The following UVRAG variants were observed in gnomAD, a reference collection of about 807,000 sequenced individuals.
The protein encoded by UVRAG is UV radiation resistance-associated gene protein.
A neutral mutation model predicts 78.0 loss-of-function variants in UVRAG; 19 were observed. That is an observed-to-expected ratio of 0.24 (90% CI 0.17 to 0.36). The LOEUF (loss-of-function observed/expected upper bound fraction) is 0.36, where lower values mean the gene tolerates loss of function less well. Ranked by LOEUF, UVRAG falls within the 10% of genes least tolerant of loss-of-function variation. The probability of loss-of-function intolerance (pLI) is 1.00; values close to 1 mark genes in which losing one functional copy is unlikely to be tolerated. For synonymous variants in UVRAG, 323 were observed against 324.6 expected (o/e 1.00, Z 0.05); for missense variants, 740 against 853.8 (o/e 0.87, Z 1.66).
intron 7 of UVRAG, among the ~76,000 whole-genome samples, chr11:75,974,333 TGGC>T (rs1949186947): frequency 6.7e-6 from 1 of 150,372 alleles, no homozygotes. Context: ...ATGTGTCTGT[TGGC>T]TGCATAAATG....
At chr11:75,851,623 A>C (rs1946154219) in intron 1 of UVRAG, among the ~76,000 whole-genome samples, 1 of 152,238 alleles carries the variant, frequency 6.6e-6, no homozygotes, top group South Asian at 2.1e-4. Flanking sequence ...GCACTTACAT[A>C]ACGTTGGTCC....
At chr11:75,931,132 CT>C in intron 6 of UVRAG, among the ~76,000 whole-genome samples, 1 of 151,344 alleles carries the variant, frequency 6.6e-6, no homozygotes, top group East Asian at 1.9e-4. Flanking sequence ...TTTCTCTCTT[CT>C]TTTCCTTTTT....
chr11:76,134,627 T>A (rs1952570039), intron 14 of UVRAG, among the ~76,000 whole-genome samples: 1 of 152,160 alleles, frequency 6.6e-6, no homozygotes, highest in African/African-American at 2.4e-5. Flanking sequence ...CATGAATATG[T>A]CTGAGTCTCA....
intron 9 of UVRAG, among the ~76,000 whole-genome samples, chr11:76,005,027 A>C (rs538496395): frequency 1.3e-3 from 193 of 152,202 alleles, no homozygotes; most frequent in Non-Finnish European, 2.0e-3. Context: ...TTCTTCAAAA[A>C]ACTTTAGCAG....
chr11:76,084,656 G>T (rs1033521796), intron 13 of UVRAG, among the ~76,000 whole-genome samples: 3 of 151,908 alleles, frequency 2.0e-5, no homozygotes, highest in Non-Finnish European at 4.4e-5. Context: ...GGACGTTTTG[G>T]ATATACCAGC....
chr11:75,825,229 C>G (rs1212986783), intron 1 of UVRAG, among the ~76,000 whole-genome samples: 1 of 151,996 alleles, frequency 6.6e-6, no homozygotes, highest in African/African-American at 2.4e-5. Context: ...CTGCCTCAGC[C>G]TCCCGAGTAG....
At chr11:75,857,200 C>G (rs1251352471) in intron 2 of UVRAG, among the ~76,000 whole-genome samples, 1 of 152,202 alleles carries the variant, frequency 6.6e-6, no homozygotes, top group Admixed American at 6.5e-5. Context: ...CCCTTTATTT[C>G]TCTCCTCAAA....
At chr11:75,940,731 T>A (rs1000235700) in intron 6 of UVRAG, among the ~76,000 whole-genome samples, 1 of 152,178 alleles carries the variant, frequency 6.6e-6, no homozygotes, top group African/African-American at 2.4e-5. Flanking sequence ...TATTTAGTTA[T>A]CAGAATAAAC....
At chr11:75,942,788 T>C (rs549102907) in intron 6 of UVRAG, among the ~76,000 whole-genome samples, 1 of 152,108 alleles carries the variant, frequency 6.6e-6, no homozygotes, top group Non-Finnish European at 1.5e-5. Context: ...GAAGAATTAG[T>C]GTCAAGATAA....
chr11:75,992,683 A>G (rs1020483389), intron 8 of UVRAG, among the ~76,000 whole-genome samples: 1 of 152,204 alleles, frequency 6.6e-6, no homozygotes, highest in Non-Finnish European at 1.5e-5. Flanking sequence ...TGGCTGTGCT[A>G]GGTAACCAGA....
chr11:75,976,090 T>A (rs1949232110), intron 7 of UVRAG, among the ~76,000 whole-genome samples: 2 of 152,228 alleles, frequency 1.3e-5, no homozygotes, highest in Admixed American at 1.3e-4. Context: ...CTGTTGAATT[T>A]TGTCAAAGGC....
intron 9 of UVRAG, among the ~76,000 whole-genome samples, chr11:76,006,018 G>T (rs1427364316): frequency 6.7e-6 from 1 of 148,860 alleles, no homozygotes; most frequent in East Asian, 1.9e-4. Flanking sequence ...GAGTTTGGTG[G>T]GTGGGGAAGA....
intron 13 of UVRAG, among the ~76,000 whole-genome samples, chr11:76,102,306 A>G (rs2134446043): frequency 6.6e-6 from 1 of 152,172 alleles, no homozygotes; most frequent in Middle Eastern, 3.4e-3. Flanking sequence ...TTGGTTAGCT[A>G]TATTCCTAGG....
At chr11:75,920,354 G>A (rs1211468733) in intron 6 of UVRAG, among the ~76,000 whole-genome samples, 3 of 151,944 alleles carry the variant, frequency 2.0e-5, no homozygotes, top group South Asian at 4.1e-4. Flanking sequence ...AGTTTTGGTG[G>A]AGCAAAATTT....
intron 3 of UVRAG, among the ~76,000 whole-genome samples, chr11:75,872,895 T>G (rs1946684733): frequency 6.6e-6 from 1 of 152,226 alleles, no homozygotes; most frequent in South Asian, 2.1e-4. Context: ...GTATAGTACC[T>G]GGCACACTGA....
chr11:75,877,764 A>T, intron 3 of UVRAG, among the ~76,000 whole-genome samples: 1 of 80,366 alleles, frequency 1.2e-5, no homozygotes, highest in Non-Finnish European at 2.5e-5. Context: ...TCCCGGACGG[A>T]GCGGCTGGCC....
chr11:75,903,607 T>C (rs1947556330), intron 5 of UVRAG, among the ~76,000 whole-genome samples: 1 of 152,236 alleles, frequency 6.6e-6, no homozygotes, highest in African/African-American at 2.4e-5. Context: ...CCATCCCAAA[T>C]ACTGCCACCC....
chr11:76,053,592 T>A (rs922342205), intron 12 of UVRAG, among the ~76,000 whole-genome samples: 1 of 152,136 alleles, frequency 6.6e-6, no homozygotes, highest in African/African-American at 2.4e-5. Flanking sequence ...TGCAATAACC[T>A]CCTATCCAGG....
chr11:75,817,898 GAA>G lies in UVRAG; in HGVS notation c.117+2388_117+2389del, dbSNP rs111248538. Among the ~76,000 whole-genome samples, 504 of 104,062 alleles carry G rather than the reference GAA, an allele frequency of 4.8e-3. 3 individuals are homozygous for G. Among genetic ancestry groups the G allele is most frequent in the African/African-American group, 0.014 (467 of 32,274 alleles). 68.3% of individuals were successfully genotyped at this position (104,062 alleles called of 152,430 possible). Reference sequence around the variant, plus strand: ...GTCTCTACTAAAAGTACAAAAAAAAGAAAAAAAAAAAAAAAGCCAGATGTGGT... The same window carrying G: ...GTCTCTACTAAAAGTACAAAAAAAAGAAAAAAAAAAAAAGCCAGATGTGGT... On this transcript the variant is annotated intron_variant, in intron 1 of 14. Transcript: ENST00000356136.
Sources: allele counts gnomAD v4.1 joint callset (sites outside exome capture counted in the v4.1 genomes callset), GRCh38; gene constraint gnomAD v4.1.1; transcripts MANE v1.5; gene names NCBI Gene and HGNC (gene_info 2026-07-23, HGNC 2026-07-21).